CRACDL: variants seen among roughly 807,000 people sequenced by gnomAD.
The protein encoded by CRACDL is CRACD like.
In CRACDL, 26 loss-of-function variants were observed where a neutral mutation model predicts 70.6. The observed-to-expected ratio is 0.37, with a 90% confidence interval of 0.27 to 0.51. CRACDL has a LOEUF of 0.51. CRACDL is among the 20% of genes least tolerant of loss of function. The pLI, the probability that CRACDL is intolerant of heterozygous loss-of-function variation, is 0.94. For missense variants in CRACDL, 1,283 were observed against 1,376.9 expected (o/e 0.93, Z 1.08); for synonymous variants, 618 against 615.2 (o/e 1.00, Z -0.07).
At chr2:98,864,093 A>G (rs1297223321) in intron 1 of CRACDL, among the ~76,000 whole-genome samples, 1 of 152,220 alleles carries the variant, frequency 6.6e-6, no homozygotes, top group Non-Finnish European at 1.5e-5. Context: ...CGTGCACAAA[A>G]AAACCTGTAC....
intron 7 of CRACDL, among the ~76,000 whole-genome samples, chr2:98,811,845 T>C (rs1704578699): frequency 6.6e-6 from 1 of 152,248 alleles, no homozygotes; most frequent in Non-Finnish European, 1.5e-5. Context: ...ACAATTAAGG[T>C]TACTGTGTAT....
intron 1 of CRACDL, among the ~76,000 whole-genome samples, chr2:98,864,641 G>A (rs987816608): frequency 6.6e-6 from 1 of 151,628 alleles, no homozygotes; most frequent in African/African-American, 2.4e-5. Flanking sequence ...CCGCCTCCTA[G>A]GTTCAAGCAA....
intron 1 of CRACDL, among the ~76,000 whole-genome samples, chr2:98,876,425 C>A (rs1008492894): frequency 6.6e-6 from 1 of 152,134 alleles, no homozygotes; most frequent in Non-Finnish European, 1.5e-5. Context: ...AAGTAGCGGG[C>A]GAGCAAACAT....
At chr2:98,848,474 TG>T (rs1706351462) in intron 1 of CRACDL, among the ~76,000 whole-genome samples, 1 of 152,158 alleles carries the variant, frequency 6.6e-6, no homozygotes, top group South Asian at 2.1e-4. Flanking sequence ...TTCCCCTCAG[TG>T]CCATCTCCTG....
At chr2:98,819,598 A>G (rs1425256887) in intron 7 of CRACDL, among the ~76,000 whole-genome samples, 1 of 152,178 alleles carries the variant, frequency 6.6e-6, no homozygotes, top group Non-Finnish European at 1.5e-5. Context: ...GCTCTTTGGA[A>G]CTGTGAATCC....
Position 98,796,280 on chromosome 2 carries a change from A to G in CRACDL, c.2605-16T>C. 3.7e-6 allele frequency: 6 copies of G among 1,608,832 alleles called. No homozygotes were observed. Among genetic ancestry groups the G allele is most frequent in the Non-Finnish European group, 5.1e-6 (6 of 1,175,414 alleles). On this transcript the variant is annotated splice_polypyrimidine_tract_variant and intron_variant, in intron 8 of 9. Coordinates refer to ENST00000397899, the MANE Select transcript of CRACDL (RefSeq NM_207362.3). ...TCACAGGCTCCTGTTGGGACATAAG[A>G]CACATGCTGCCAAGTTAACAATGAT...
chr2:98,812,703 G>GT (rs913572234), intron 7 of CRACDL, among the ~76,000 whole-genome samples: 3 of 147,102 alleles, frequency 2.0e-5, no homozygotes, highest in African/African-American at 7.5e-5. Flanking sequence ...TTGGTTTGCT[G>GT]TTTTTTTGTT....
At chr2:98,925,933 G>T (rs1392140841) in intron 1 of CRACDL, among the ~76,000 whole-genome samples, 1 of 152,104 alleles carries the variant, frequency 6.6e-6, no homozygotes, top group Non-Finnish European at 1.5e-5. Context: ...ACAATATGGG[G>T]TGGGCAGGAG....
rs1431940430 is a variant in CRACDL, at chr2:98,822,494, C to A, written c.1779G>T (p.Arg593=). The change falls in exon 7 of 10, where the codon CGG becomes CGT. Residue 593 remains arginine (R), a synonymous_variant. Coordinates refer to ENST00000397899, the MANE Select transcript of CRACDL (RefSeq NM_207362.3). This position sits in a 1 kb window ranked among gnomAD's most constrained non-coding sequence, Gnocchi z 4.9. The part of the protein sequence containing the change: ...PRPGVSRPLE[R]ASGRLPLARS... ...TCGCGAGGGGCAGGCGGCCGCTGGC[C>A]CGTTCCAGCGGGCGGGAGACGCCCG... 6.8e-7 allele frequency: 1 copy of A among 1,462,216 alleles called. No individual in the cohort carries two copies. The highest frequency in any genetic ancestry group is 9.0e-7 in the Non-Finnish European group (1 of 1,116,050). 90.6% of individuals were successfully genotyped at this position (1,462,216 alleles called of 1,614,324 possible).
intron 1 of CRACDL, among the ~76,000 whole-genome samples, chr2:98,875,376 C>T (rs891218346): frequency 5.9e-5 from 9 of 152,258 alleles, no homozygotes; most frequent in African/African-American, 2.2e-4. Flanking sequence ...CAAGACAGGC[C>T]ACCGCTAGTC....
chr2:98,845,123 A>G (rs1171453086), intron 2 of CRACDL, among the ~76,000 whole-genome samples: 1 of 151,992 alleles, frequency 6.6e-6, no homozygotes. Context: ...CTGGTAAATG[A>G]TCTAAGGGCA....
chr2:98,932,636 C>T (rs1166093606), intron 1 of CRACDL, among the ~76,000 whole-genome samples: 1 of 152,216 alleles, frequency 6.6e-6, no homozygotes, highest in Non-Finnish European at 1.5e-5. Flanking sequence ...CCGCTGCCAG[C>T]TACTCCTTCC....
chr2:98,822,445 C>T lies in CRACDL; in HGVS notation c.1828G>A (p.Glu610Lys), dbSNP rs1267937429. ...LARSGPVWRS[E>K]AALDDLQGLP... ...CCCTGGAGGTCGTCAAGAGCCGCCT[C>T]GCTCCTCCAGACCGGGCCGCTCCTC... The change falls in exon 7 of 10, where the codon GAG becomes AAG. Residue 610 changes from glutamate (E) to lysine (K), a missense_variant. This residue lies in a region of CRACDL where 921 missense variants were observed against 881.9 expected (regional missense o/e 1.04). Transcript: ENST00000397899. This position sits in a 1 kb window ranked among gnomAD's most constrained non-coding sequence, Gnocchi z 4.9. 4 of 1,483,344 alleles carry T rather than the reference C, an allele frequency of 2.7e-6. No homozygotes were observed. The African/African-American group carries it at 4.4e-5, about 16-fold the overall frequency. 91.9% of individuals were successfully genotyped at this position (1,483,344 alleles called of 1,614,324 possible). A position where few individuals can be genotyped will look rare whatever the true frequency, so the allele number is the denominator to read the frequency against.
intron 7 of CRACDL, among the ~76,000 whole-genome samples, chr2:98,814,633 C>G (rs1318283611): frequency 1.3e-5 from 2 of 152,104 alleles, no homozygotes; most frequent in Non-Finnish European, 1.5e-5. Flanking sequence ...AACATGTATT[C>G]TGCTGTGGCT....
chr2:98,798,703 T>C (rs973210197), intron 7 of CRACDL, among the ~76,000 whole-genome samples: 14 of 151,988 alleles, frequency 9.2e-5, no homozygotes, highest in Admixed American at 6.5e-4. Flanking sequence ...CTTTTCTTTT[T>C]TTTTTTGAGA....
rs1396698955 is a variant in CRACDL, at chr2:98,822,885, T to C, written c.1388A>G (p.Glu463Gly). ...TCCTCTCTCGGGCTCCGTCTCCGCT[T>C]CTCTCTCGGGCTCAGGCGCCGGCCC... ...PPGPAPEPEREAETEPERGAG... is the reference protein window; with the variant it reads ...PPGPAPEPERGAETEPERGAG... The change falls in exon 7 of 10, where the codon GAA (glutamate) becomes GGA (glycine). Residue 463 changes from glutamate (E) to glycine (G), a missense_variant. By Grantham distance (98) the Glu-to-Gly change is moderately conservative. This residue lies in a region of CRACDL where 921 missense variants were observed against 881.9 expected (regional missense o/e 1.04). Transcript: ENST00000397899. The surrounding 1 kb of genome is among the most constrained non-coding windows in gnomAD (Gnocchi z 4.9). 1.4e-6 allele frequency: 2 copies of C among 1,471,096 alleles called. No individual in the cohort carries two copies. The highest frequency in any genetic ancestry group is 1.8e-6 in the Non-Finnish European group (2 of 1,121,988). The allele number at this position is 1,471,096 out of a possible 1,614,324, so 91.1% of individuals were successfully genotyped here.
chr2:98,865,762 A>T (rs894886602), intron 1 of CRACDL, among the ~76,000 whole-genome samples: 1 of 148,092 alleles, frequency 6.8e-6, no homozygotes, highest in African/African-American at 2.5e-5. Flanking sequence ...ACTGCAGCCA[A>T]CCCTTTCTCC....
At position 98,864,204 on chromosome 2, in the gene CRACDL, T is replaced by C. The variant is rs138520499; in HGVS notation, c.-10-17394A>G. 4.3e-3 allele frequency among the ~76,000 whole-genome samples: 648 copies of C among 152,292 alleles called. 5 individuals carry two copies. Among genetic ancestry groups the C allele is most frequent in the Middle Eastern group, 0.034 (10 of 294 alleles). ...TAGAATAAAAAACATGTTACATATA[T>C]GTAATGAAATATTATCCATCAAGAA... On this transcript the variant is annotated intron_variant, in intron 1 of 9. Coordinates refer to ENST00000397899, the MANE Select transcript of CRACDL (RefSeq NM_207362.3).
rs1212780224 is a variant in CRACDL at position 98,823,247 on chromosome 2, G to A, written c.1026C>T (p.Ala342=). 3 of 1,404,028 alleles carry A rather than the reference G, an allele frequency of 2.1e-6. No individual in the cohort carries two copies. Among genetic ancestry groups the A allele is most frequent in the Non-Finnish European group, 1.8e-6 (2 of 1,087,172 alleles). 87.0% of individuals were successfully genotyped at this position (1,404,028 alleles called of 1,614,324 possible). Residue 342 remains alanine (A), a synonymous_variant, in exon 7 of 10, where the codon GCC becomes GCT. Coordinates refer to ENST00000397899, the MANE Select transcript of CRACDL (RefSeq NM_207362.3). The surrounding 1 kb of genome is among the most constrained non-coding windows in gnomAD (Gnocchi z 4.0). ...GGAGAGTGGGGGCCGACTCGGGCTC[G>A]GCGAGCTCCGGGGTGGCCGGGCGGC... is the stretch of plus-strand genomic sequence containing the variant. ...PSSRPATPEL[A]EPESAPTLRV...
Sources: gnomAD v4.1 joint callset for allele counts (sites outside exome capture counted in the v4.1 genomes callset) on GRCh38, gnomAD v4.1.1 for gene constraint, gnomAD v4.1.1 regional missense constraint, Gnocchi (gnomAD v3.1) non-coding constraint, MANE v1.5 for transcripts, NCBI Gene and HGNC (gene_info 2026-07-23, HGNC 2026-07-21) for gene names.